The following IP6K1 variants were observed in gnomAD, a reference collection of about 807,000 sequenced individuals.
IP6K1 encodes ATP:1D-myo-inositol-hexakisphosphate phosphotransferase.
Under a neutral mutation model 38.3 loss-of-function variants are expected in IP6K1, and 13 were observed. The observed-to-expected ratio is 0.34, with a 90% CI of 0.22 to 0.54. The LOEUF (loss-of-function observed/expected upper bound fraction) is 0.54, where lower values mean the gene tolerates loss of function less well. IP6K1 is among the 20% of genes least tolerant of loss of function. The probability of loss-of-function intolerance (pLI) is 0.92; values close to 1 mark genes in which losing one functional copy is unlikely to be tolerated. For missense variants in IP6K1, 397 were observed against 599.8 expected, an observed-to-expected ratio of 0.66 and a Z score of 3.53; for synonymous variants, 212 against 229.9, an observed-to-expected ratio of 0.92 and a Z score of 0.70.
chr3:49,749,695 A>G (rs190478282), intron 1 of IP6K1, among the ~76,000 whole-genome samples: 1 of 152,338 alleles, frequency 6.6e-6, no homozygotes, highest in Admixed American at 6.5e-5. Context: ...GAAAGAAAAA[A>G]CTACTGCAAA....
In IP6K1 at chr3:49,732,813, C is replaced by G; in HGVS notation, c.594G>C (p.Glu198Asp). ...HKQQLSRMRS[E>D]SKDRKLYKFL... ...TACTGTAGAGCTTTCGGTCCTTGGA[C>G]TCGGAGCGCATGCGGCTCAGCTGCT... Residue 198 changes from glutamate (E) to aspartate (D), a missense_variant, in exon 4 of 6, where the codon GAG (glutamate) becomes GAC (aspartate). Physicochemically the swap from Glu to Asp is conservative, Grantham distance 45. Transcript: ENST00000321599. 1.2e-6 allele frequency: 2 copies of G among 1,613,732 alleles called. No individual in the cohort carries two copies. The highest frequency in any genetic ancestry group is 1.7e-6 in the Non-Finnish European group (2 of 1,179,784).
chr3:49,731,499 G>A (rs1350518462), intron 4 of IP6K1, among the ~76,000 whole-genome samples: 1 of 152,156 alleles, frequency 6.6e-6, no homozygotes, highest in East Asian at 1.9e-4. Flanking sequence ...CACCCTGGAA[G>A]CATGGGCTCT....
chr3:49,779,083 C>T (rs1230507924), intron 1 of IP6K1, among the ~76,000 whole-genome samples: 1 of 152,160 alleles, frequency 6.6e-6, no homozygotes, highest in Non-Finnish European at 1.5e-5. Context: ...ATGTTTTAAT[C>T]ATCTCAAAAA....
intron 2 of IP6K1, among the ~76,000 whole-genome samples, chr3:49,745,000 TA>T (rs1418009240): frequency 6.6e-6 from 1 of 152,142 alleles, no homozygotes; most frequent in Non-Finnish European, 1.5e-5. Flanking sequence ...AAGGCTTCTG[TA>T]CATTTATGCA....
intron 1 of IP6K1, among the ~76,000 whole-genome samples, chr3:49,773,975 T>C (rs2108260373): frequency 7.3e-6 from 1 of 137,666 alleles, no homozygotes; most frequent in East Asian, 2.0e-4. Context: ...CAAGACTCTC[T>C]CTAAAACACA....
intron 1 of IP6K1, among the ~76,000 whole-genome samples, chr3:49,748,412 T>C (rs1188058628): frequency 6.6e-6 from 1 of 152,146 alleles, no homozygotes; most frequent in Non-Finnish European, 1.5e-5. Context: ...AGTTCCCACC[T>C]CCCTTCTGAG....
At chr3:49,773,272 C>G (rs1254065904) in intron 1 of IP6K1, among the ~76,000 whole-genome samples, 2 of 152,152 alleles carry the variant, frequency 1.3e-5, no homozygotes, top group Admixed American at 6.6e-5. Context: ...CTCCCTGGCA[C>G]CAAGGTCAGC....
At position 49,780,770 on chromosome 3, in the gene IP6K1, A is replaced by T. The variant is rs115017619; in HGVS notation, c.-129+5584T>A. Among the ~76,000 whole-genome samples the T allele has an allele frequency of 7.4e-3, 1,133 of 152,302 alleles. 15 individuals are homozygous for T. Among genetic ancestry groups the T allele is most frequent in the African/African-American group, 0.025 (1,030 of 41,554 alleles). On this transcript the variant is annotated intron_variant, in intron 1 of 5. Coordinates refer to ENST00000321599, the MANE Select transcript of IP6K1 (RefSeq NM_153273.4). ...GCAAGTTCTGTCTCTGTTCTGCAGCACTAAGGGATGGGCCTGCCTCTATAA... is the reference window on the plus strand; with the variant it reads ...GCAAGTTCTGTCTCTGTTCTGCAGCTCTAAGGGATGGGCCTGCCTCTATAA...
At chr3:49,783,630 G>A (rs944708040) in intron 1 of IP6K1, among the ~76,000 whole-genome samples, 5 of 150,950 alleles carry the variant, frequency 3.3e-5, no homozygotes, top group African/African-American at 4.9e-5. Flanking sequence ...GGAGAATGGC[G>A]TGAACCCAGG....
At chr3:49,757,250 A>G (rs2080831441) in intron 1 of IP6K1, among the ~76,000 whole-genome samples, 1 of 152,228 alleles carries the variant, frequency 6.6e-6, no homozygotes, top group Admixed American at 6.5e-5. Context: ...CATGAATGGT[A>G]AACTCTGACT....
At chr3:49,741,104 A>G (rs2080664980) in intron 2 of IP6K1, among the ~76,000 whole-genome samples, 1 of 152,064 alleles carries the variant, frequency 6.6e-6, no homozygotes, top group African/African-American at 2.4e-5. Flanking sequence ...CCCGCCTCCC[A>G]AAGTACTAGG....
intron 1 of IP6K1, among the ~76,000 whole-genome samples, chr3:49,765,584 A>C (rs2080904098): frequency 6.9e-6 from 1 of 145,366 alleles, no homozygotes; most frequent in African/African-American, 2.5e-5. Flanking sequence ...TGGGAATCAG[A>C]GGTTGCAGGG....
chr3:49,744,401 C>CA lies in IP6K1; in HGVS notation c.223+3416dup, dbSNP rs56916226. ...TGGACAACAGAGCGAGACTCCGTCTCAAAAAAAAAAAAAAAAAAAAAAAAA... is the reference window on the plus strand; with the variant it reads ...TGGACAACAGAGCGAGACTCCGTCTCAAAAAAAAAAAAAAAAAAAAAAAAAA... On this transcript the variant is annotated intron_variant, in intron 2 of 5. Transcript: ENST00000321599. Among the ~76,000 whole-genome samples, 228 of 76,174 alleles carry CA rather than the reference C, an allele frequency of 3.0e-3. 5 individuals carry two copies. Among genetic ancestry groups the CA allele is most frequent in the African/African-American group, 5.3e-3 (94 of 17,828 alleles). The allele number at this position is 76,174 out of a possible 152,430, so 50.0% of individuals were successfully genotyped here.
At chr3:49,770,062 C>G (rs939696877) in intron 1 of IP6K1, among the ~76,000 whole-genome samples, 1 of 151,958 alleles carries the variant, frequency 6.6e-6, no homozygotes, top group African/African-American at 2.4e-5. Flanking sequence ...ACTAGCCCTG[C>G]ATGGTGGTGC....
chr3:49,742,503 C>T (rs919512346), intron 2 of IP6K1, among the ~76,000 whole-genome samples: 4 of 150,438 alleles, frequency 2.7e-5, no homozygotes, highest in Non-Finnish European at 4.4e-5. Context: ...GAGCCAAGAT[C>T]GCGCCACTGC....
chr3:49,748,606 G>A (rs955372886), intron 1 of IP6K1, among the ~76,000 whole-genome samples: 1 of 152,130 alleles, frequency 6.6e-6, no homozygotes, highest in African/African-American at 2.4e-5. Flanking sequence ...CAGAGGAAGG[G>A]TTTCTGTCTG....
rs2080519838 is a variant in IP6K1 at position 49,727,524 on chromosome 3, A to T, written c.924T>A (p.Phe308Leu). The change falls in exon 6 of 6, where the codon TTT becomes TTA. Residue 308 changes from phenylalanine to leucine, a missense_variant. Phe to Leu is a conservative substitution (Grantham distance 22). Coordinates refer to ENST00000321599, the MANE Select transcript of IP6K1 (RefSeq NM_153273.4). The surrounding 1 kb of genome is among the most constrained non-coding windows in gnomAD (Gnocchi z 5.9). ...HNGLDLRRDL[F>L]EPILSKLRGL... The stretch of plus-strand genomic sequence containing the variant: ...CCCGCAGTTTGCTCAGGATAGGCTC[A>T]AACAGGTCACGTCGCAGGTCCAGGC... 1 of 1,614,186 alleles carries T rather than the reference A, an allele frequency of 6.2e-7. No individual in the cohort carries two copies. The highest frequency in any genetic ancestry group is 1.1e-5 in the South Asian group (1 of 91,092).
chr3:49,727,644 C>T lies in IP6K1; in HGVS notation c.804G>A (p.Leu268=), dbSNP rs1237852326. The change falls in exon 6 of 6, where the codon CTG becomes CTA. Residue 268 remains leucine (L), a synonymous_variant. Transcript: ENST00000321599. The surrounding 1 kb of genome is among the most constrained non-coding windows in gnomAD (Gnocchi z 5.9). ...VRVCGMQVYQ[L]DTGHYLCRNK... ...TCCTGCAGAGGTAATGCCCTGTGTCCAGCTGGTACACCTGAAACCCCAGGA... is the reference window on the plus strand; with the variant it reads ...TCCTGCAGAGGTAATGCCCTGTGTCTAGCTGGTACACCTGAAACCCCAGGA... 1.2e-6 allele frequency: 2 copies of T among 1,613,324 alleles called. No individual in the cohort carries two copies. The highest frequency in any genetic ancestry group is 8.5e-7 in the Non-Finnish European group (1 of 1,179,368).
rs111384702 is a variant in IP6K1, at chr3:49,724,318, G to A, written c.*2804C>T. The A allele has an allele frequency of 1.3e-5, 2 of 152,354 alleles. No homozygotes were observed. Among genetic ancestry groups the A allele is most frequent in the Admixed American group, 6.5e-5 (1 of 15,280 alleles). 9.4% of individuals were successfully genotyped at this position (152,354 alleles called of 1,614,324 possible). A position where few individuals can be genotyped will look rare whatever the true frequency, so the allele number is the denominator to read the frequency against. ...CTCCGTTTCTAGCGGCTTTATTTTT[G>A]ACATACACGACCTCAGACACAAGCG... On this transcript the variant is annotated 3_prime_UTR_variant, in exon 6 of 6. Transcript: ENST00000321599.
Sources: gnomAD v4.1 joint callset for allele counts (sites outside exome capture counted in the v4.1 genomes callset) on GRCh38, gnomAD v4.1.1 for gene constraint, Gnocchi (gnomAD v3.1) non-coding constraint, MANE v1.5 for transcripts, NCBI Gene and HGNC (gene_info 2026-07-23, HGNC 2026-07-21) for gene names.